Variants in LGR6 observed in about 807,000 individuals in gnomAD.
LGR6 encodes the protein leucine rich repeat containing G protein-coupled receptor 6.
A neutral mutation model predicts 69.4 loss-of-function variants in LGR6; 45 were observed. That is an observed-to-expected ratio of 0.65 (90% CI 0.51 to 0.83). The LOEUF (loss-of-function observed/expected upper bound fraction) is 0.83. Ranked by LOEUF, LGR6 falls within the 40% of genes least tolerant of loss-of-function variation. LGR6 has a pLI of 0.00. For missense variants in LGR6, 1,108 were observed against 1,246.7 expected, an observed-to-expected ratio of 0.89 and a Z score of 1.68; for synonymous variants, 538 against 555.0, an observed-to-expected ratio of 0.97 and a Z score of 0.43.
At chr1:202,204,009 T>C in intron 1 of LGR6, 1 of 685,534 alleles carries the variant, frequency 1.5e-6, no homozygotes. Flanking sequence ...TCCCCATCTG[T>C]CTGTATGTTT....
intron 4 of LGR6, among the ~76,000 whole-genome samples, chr1:202,245,698 A>G (rs1326156320): frequency 1.3e-5 from 2 of 152,118 alleles, no homozygotes; most frequent in African/African-American, 4.8e-5. Flanking sequence ...GATTTGGTGT[A>G]GGTGCAATTA....
At chr1:202,315,618 G>T (rs960309725) in intron 17 of LGR6, among the ~76,000 whole-genome samples, 2 of 151,362 alleles carry the variant, frequency 1.3e-5, no homozygotes, top group African/African-American at 4.8e-5. Flanking sequence ...GAACAGAAGT[G>T]ATGAACAGTT....
chr1:202,285,717 C>T (rs940834979), intron 6 of LGR6, among the ~76,000 whole-genome samples: 3 of 152,158 alleles, frequency 2.0e-5, no homozygotes, highest in African/African-American at 7.2e-5. Context: ...CTCATCTCCT[C>T]TGTAGGATGG....
chr1:202,263,757 G>T (rs572411259), intron 4 of LGR6, among the ~76,000 whole-genome samples: 1 of 152,144 alleles, frequency 6.6e-6, no homozygotes, highest in Non-Finnish European at 1.5e-5. Context: ...TCAAAGAGGG[G>T]CATCAACCTA....
intron 1 of LGR6, among the ~76,000 whole-genome samples, chr1:202,206,408 C>T (rs984363016): frequency 3.9e-5 from 6 of 152,350 alleles, no homozygotes; most frequent in South Asian, 2.1e-4. Context: ...GGCCCCCCAG[C>T]GCAGTTACCT....
At chr1:202,237,012 G>A (rs992486661) in intron 4 of LGR6, among the ~76,000 whole-genome samples, 6 of 152,096 alleles carry the variant, frequency 3.9e-5, no homozygotes, top group Non-Finnish European at 5.9e-5. Context: ...AGCTGTGGGG[G>A]TCCTGGCTAG....
chr1:202,204,463 C>T (rs868107633), intron 1 of LGR6, among the ~76,000 whole-genome samples: 7 of 86,504 alleles, frequency 8.1e-5, no homozygotes, highest in African/African-American at 2.6e-4. Context: ...ACACACACCT[C>T]CACACACACA....
chr1:202,297,392 A>T, intron 6 of LGR6, 116 bp from the exon 7 acceptor site: 1 of 768,454 alleles, frequency 1.3e-6, no homozygotes, highest in South Asian at 1.7e-5. Context: ...GCTGGATCCA[A>T]CAGATTGGAA....
At chr1:202,307,983 C>G (rs1653391800) in intron 14 of LGR6, among the ~76,000 whole-genome samples, 1 of 152,182 alleles carries the variant, frequency 6.6e-6, no homozygotes, top group Non-Finnish European at 1.5e-5. Context: ...CACTCCTGCC[C>G]AAGAGGGAGC....
At chr1:202,240,976 C>T (rs1052605807) in intron 4 of LGR6, among the ~76,000 whole-genome samples, 5 of 152,168 alleles carry the variant, frequency 3.3e-5, no homozygotes, top group Non-Finnish European at 2.9e-5. Context: ...TAATAATCAC[C>T]GTCTCTGTTA....
At chr1:202,295,327 C>CAAAAAAA (rs58243962) in intron 6 of LGR6, among the ~76,000 whole-genome samples, 1 of 45,546 alleles carries the variant, frequency 2.2e-5, no homozygotes. Context: ...GACTCCATCT[C>CAAAAAAA]AAAAAAAAAA....
chr1:202,204,346 A>C (rs1658958037), intron 1 of LGR6, among the ~76,000 whole-genome samples: 1 of 120,730 alleles, frequency 8.3e-6, no homozygotes, highest in Non-Finnish European at 1.7e-5. Flanking sequence ...ACACCTCCAC[A>C]CACACACACC....
intron 2 of LGR6, among the ~76,000 whole-genome samples, chr1:202,227,001 C>T (rs912569398): frequency 2.0e-5 from 3 of 152,154 alleles, no homozygotes; most frequent in Non-Finnish European, 4.4e-5. Context: ...CCGTCTCCCA[C>T]GACCTGAGAG....
At chr1:202,197,864 C>T (rs1289068138) in intron 1 of LGR6, among the ~76,000 whole-genome samples, 2 of 152,162 alleles carry the variant, frequency 1.3e-5, no homozygotes, top group African/African-American at 4.8e-5. Flanking sequence ...ACTCTGGGCC[C>T]GCAAGGCTGA....
intron 3 of LGR6, among the ~76,000 whole-genome samples, chr1:202,232,587 G>T (rs944486395): frequency 6.6e-6 from 1 of 152,172 alleles, no homozygotes; most frequent in Non-Finnish European, 1.5e-5. Flanking sequence ...GCTGTGGAGG[G>T]CTGAGGCAGG....
intron 16 of LGR6, among the ~76,000 whole-genome samples, chr1:202,311,993 A>G (rs1008843729): frequency 6.6e-6 from 1 of 152,174 alleles, no homozygotes; most frequent in Non-Finnish European, 1.5e-5. Flanking sequence ...TCCCCGGGGG[A>G]CATTCCCGGA....
At position 202,266,584 on chromosome 1, in the gene LGR6, G is replaced by A. The variant is rs16849842; in HGVS notation, c.429-9722G>A. 3.6e-3 allele frequency among the ~76,000 whole-genome samples: 544 copies of A among 149,714 alleles called. 4 individuals are homozygous for A. Among genetic ancestry groups the A allele is most frequent in the African/African-American group, 0.013 (514 of 40,612 alleles). ...CACGTTCTTTTCCCTACTACCTTTC[G>A]CATCTGACCCAAGCCCTCACTCCCT... On this transcript the variant is annotated intron_variant, in intron 4 of 17. Coordinates refer to ENST00000367278, the MANE Select transcript of LGR6 (RefSeq NM_001017403.2).
At chr1:202,245,705 A>G (rs1311116742) in intron 4 of LGR6, among the ~76,000 whole-genome samples, 2 of 152,082 alleles carry the variant, frequency 1.3e-5, no homozygotes, top group East Asian at 3.9e-4. Flanking sequence ...TGTAGGTGCA[A>G]TTAAGCCCCC....
chr1:202,199,614 C>T (rs1477046927), intron 1 of LGR6, among the ~76,000 whole-genome samples: 1 of 150,832 alleles, frequency 6.6e-6, no homozygotes, highest in Non-Finnish European at 1.5e-5. Flanking sequence ...GCTCTCAACC[C>T]TGATGGCCCC....
Sources: allele counts gnomAD v4.1 joint callset (sites outside exome capture counted in the v4.1 genomes callset), GRCh38; gene constraint gnomAD v4.1.1; transcripts MANE v1.5; gene names NCBI Gene and HGNC (gene_info 2026-07-23, HGNC 2026-07-21).